Variants in TLN2 observed in about 807,000 individuals in gnomAD.
TLN2 encodes talin-2.
Under a neutral mutation model 294.7 loss-of-function variants are expected in TLN2, and 118 were observed. The ratio of observed to expected loss-of-function variants is 0.40; its 90% confidence interval spans 0.34 to 0.47. TLN2 has a LOEUF of 0.47. Ranked by LOEUF, TLN2 falls within the 20% of genes least tolerant of loss-of-function variation. The probability of loss-of-function intolerance (pLI) is 0.84; values close to 1 mark genes in which losing one functional copy is unlikely to be tolerated. For missense variants in TLN2, 3,083 were observed against 3,282.2 expected (o/e 0.94, Z 1.48); for synonymous variants, 1,431 against 1,304.5 (o/e 1.10, Z -2.09).
intron 1 of TLN2, among the ~76,000 whole-genome samples, chr15:62,503,153 A>G (rs1002863063): frequency 6.6e-6 from 1 of 152,190 alleles, no homozygotes; most frequent in Non-Finnish European, 1.5e-5. Flanking sequence ...AAATATATGT[A>G]CATCTATTAT....
intron 1 of TLN2, among the ~76,000 whole-genome samples, chr15:62,445,841 T>G (rs894278995): frequency 9.2e-5 from 14 of 152,072 alleles, no homozygotes; most frequent in Non-Finnish European, 1.5e-4. Context: ...TTTTTAAATT[T>G]CTAGTAGAGA....
intron 26 of TLN2, among the ~76,000 whole-genome samples, chr15:62,723,467 G>A (rs975800010): frequency 2.7e-5 from 4 of 150,382 alleles, no homozygotes; most frequent in Non-Finnish European, 3.0e-5. Context: ...CACACTGCTC[G>A]AAAGCAGTGA....
chr15:62,770,744 T>A (rs899448958), intron 41 of TLN2, among the ~76,000 whole-genome samples: 1 of 146,078 alleles, frequency 6.8e-6, no homozygotes, highest in African/African-American at 2.5e-5. Flanking sequence ...TCTTAGCACC[T>A]CTGCCATATT....
At chr15:62,839,058 C>G (rs2070233981) in intron 58 of TLN2, 77 bp downstream of exon 58, 1 of 1,535,640 alleles carries the variant, frequency 6.5e-7, no homozygotes, top group Admixed American at 1.9e-5. Flanking sequence ...AGAATAGTGA[C>G]TTCAAGATGA....
intron 1 of TLN2, among the ~76,000 whole-genome samples, chr15:62,441,953 G>A (rs976227311): frequency 3.3e-5 from 5 of 152,084 alleles, no homozygotes; most frequent in African/African-American, 1.2e-4. Flanking sequence ...CTTCTATCTG[G>A]CTGTCCATCT....
rs1438402122 is a variant in TLN2 at position 62,741,764 on chromosome 15, T to C, written c.4025+995T>C. ...AAATTTGCGCGTGTGTGTGTGTGTGTGTGTCTTTATGTCTCCCCTGGGAGA... is the reference window on the plus strand; with the variant it reads ...AAATTTGCGCGTGTGTGTGTGTGTGCGTGTCTTTATGTCTCCCCTGGGAGA... On this transcript the variant is annotated intron_variant, in intron 32 of 58. Transcript: ENST00000636159. Among the ~76,000 whole-genome samples the C allele has an allele frequency of 2.0e-5, 3 of 151,784 alleles. 1 individual carries two copies. Among genetic ancestry groups the C allele is most frequent in the African/African-American group, 7.3e-5 (3 of 41,288 alleles).
intron 2 of TLN2, among the ~76,000 whole-genome samples, chr15:62,594,716 A>C (rs1433719069): frequency 6.6e-6 from 1 of 152,244 alleles, no homozygotes; most frequent in Admixed American, 6.5e-5. Flanking sequence ...AAAAGAAAAC[A>C]TAAGGGAAAA....
rs140439308 is a variant in TLN2 at position 62,740,732 on chromosome 15, G to A, written c.3988G>A (p.Ala1330Thr). ...AAKSLSVDPG[A>T]PNAKNLLAAA... ...CAAGTCTCTCTCTGTAGATCCAGGA[G>A]CTCCCAATGCGAAAAATCTCCTGGC... Residue 1330 changes from alanine (A) to threonine (T), a missense_variant, in exon 32 of 59, where the codon GCT (alanine) becomes ACT (threonine). By Grantham distance (58) the Ala-to-Thr change is moderately conservative. Coordinates refer to ENST00000636159, the MANE Select transcript of TLN2 (RefSeq NM_015059.3). 689 of 1,614,212 alleles carry A rather than the reference G, an allele frequency of 4.3e-4. 3 individuals carry two copies. Among genetic ancestry groups the A allele is most frequent in the East Asian group, 6.9e-4 (31 of 44,884 alleles).
At chr15:62,488,675 T>G (rs2038542373) in intron 1 of TLN2, among the ~76,000 whole-genome samples, 1 of 152,230 alleles carries the variant, frequency 6.6e-6, no homozygotes, top group Non-Finnish European at 1.5e-5. Context: ...GCCTTTATAA[T>G]GTAATATTAC....
At chr15:62,634,942 T>C (rs950533668) in intron 3 of TLN2, among the ~76,000 whole-genome samples, 11 of 152,248 alleles carry the variant, frequency 7.2e-5, no homozygotes, top group African/African-American at 2.2e-4. Context: ...TCTGCCTCTT[T>C]TCTGTAAATC....
At chr15:62,445,378 A>C (rs1354723001) in intron 1 of TLN2, among the ~76,000 whole-genome samples, 1 of 152,138 alleles carries the variant, frequency 6.6e-6, no homozygotes, top group African/African-American at 2.4e-5. Context: ...TTATCTCATG[A>C]TACTTTTATG....
In TLN2 at chr15:62,818,056, C is replaced by T. The variant is rs147229021; in HGVS notation, c.6772-1460C>T. On this transcript the variant is annotated intron_variant, in intron 52 of 58. Coordinates refer to ENST00000636159, the MANE Select transcript of TLN2 (RefSeq NM_015059.3). ...AACTCCTGACCTCAGATGATCTACC[C>T]GCCCGAGCCTCCCAAAGTGCTGGGA... is the stretch of plus-strand genomic sequence containing the variant. Among the ~76,000 whole-genome samples, 23 of 152,178 alleles carry T rather than the reference C, an allele frequency of 1.5e-4. No individual in the cohort carries two copies. The East Asian group carries it at 4.1e-3, about 27-fold the overall frequency.
intron 1 of TLN2, among the ~76,000 whole-genome samples, chr15:62,520,748 A>AT (rs1352610538): frequency 6.6e-6 from 1 of 152,124 alleles, no homozygotes; most frequent in South Asian, 2.1e-4. Flanking sequence ...ATAGTTGTTT[A>AT]TTTTTTTAAA....
At chr15:62,436,138 C>G (rs1476722608) in intron 1 of TLN2, among the ~76,000 whole-genome samples, 5 of 152,174 alleles carry the variant, frequency 3.3e-5, no homozygotes, top group Non-Finnish European at 7.3e-5. Flanking sequence ...TCCTGTTTGA[C>G]CTGCAGTTCT....
intron 54 of TLN2, chr15:62,828,293 C>CCAGA (rs1225138655): frequency 6.6e-6 from 1 of 152,242 alleles, no homozygotes; most frequent in Non-Finnish European, 1.5e-5. Context: ...CAAGAGTTGG[C>CCAGA]CAGACAGCCC....
At chr15:62,513,715 C>T (rs1056346918) in intron 1 of TLN2, among the ~76,000 whole-genome samples, 4 of 152,162 alleles carry the variant, frequency 2.6e-5, no homozygotes, top group Non-Finnish European at 5.9e-5. Flanking sequence ...ATGGACAACT[C>T]AGTAAATGCC....
intron 26 of TLN2, among the ~76,000 whole-genome samples, chr15:62,723,946 C>G (rs892659106): frequency 6.6e-6 from 1 of 151,932 alleles, no homozygotes; most frequent in African/African-American, 2.4e-5. Flanking sequence ...TCCAGGAGTT[C>G]AAGACCAGCC....
At chr15:62,720,661 G>A (rs986179841) in intron 25 of TLN2, among the ~76,000 whole-genome samples, 1 of 151,874 alleles carries the variant, frequency 6.6e-6, no homozygotes, top group Admixed American at 6.6e-5. Flanking sequence ...GTGTGTGTGT[G>A]TGTGTGTGTG....
At chr15:62,600,020 A>T (rs545859449) in intron 2 of TLN2, among the ~76,000 whole-genome samples, 1 of 152,284 alleles carries the variant, frequency 6.6e-6, no homozygotes, top group East Asian at 1.9e-4. Context: ...GAGCAGAAAG[A>T]AAGTTGAGAG....
Sources: gnomAD v4.1 joint callset for allele counts (sites outside exome capture counted in the v4.1 genomes callset) on GRCh38, gnomAD v4.1.1 for gene constraint, MANE v1.5 for transcripts, NCBI Gene and HGNC (gene_info 2026-07-23, HGNC 2026-07-21) for gene names.